The following LRRK2 variants were observed in gnomAD, a reference collection of about 807,000 sequenced individuals.
LRRK2 encodes leucine-rich repeat serine/threonine-protein kinase 2.
Under a neutral mutation model 302.6 loss-of-function variants are expected in LRRK2, and 203 were observed. The observed-to-expected ratio is 0.67, with a 90% confidence interval of 0.60 to 0.75. The LOEUF (loss-of-function observed/expected upper bound fraction) is 0.75, where lower values mean the gene tolerates loss of function less well. Among genes scored for constraint, LRRK2 ranks in the 30% least tolerant of loss-of-function variants. The probability of loss-of-function intolerance (pLI) is 0.00; values close to 1 mark genes in which losing one functional copy is unlikely to be tolerated. For missense variants in LRRK2, 2,830 were observed against 2,951.0 expected (o/e 0.96, Z 0.95); for synonymous variants, 1,066 against 1,031.9 (o/e 1.03, Z -0.63).
chr12:40,237,537 T>C (rs1592142503), intron 4 of LRRK2, among the ~76,000 whole-genome samples: 1 of 151,864 alleles, frequency 6.6e-6, no homozygotes, highest in Non-Finnish European at 1.5e-5. Context: ...GAAAGGAGGG[T>C]GGAAGAAGGA....
intron 7 of LRRK2, among the ~76,000 whole-genome samples, chr12:40,248,051 A>G (rs1942088912): frequency 6.6e-6 from 1 of 151,918 alleles, no homozygotes; most frequent in Non-Finnish European, 1.5e-5. Context: ...GTGACCCTTT[A>G]TTCATTATTT....
In LRRK2 at chr12:40,307,852, G is replaced by A. The variant is rs903080289; in HGVS notation, c.3960-615G>A. The stretch of plus-strand genomic sequence containing the variant: ...GCTGGAGTGCAGTGGCCTGATCTTG[G>A]CTCACTGCAACCTCTGCCTCTTGGC... On this transcript the variant is annotated intron_variant, in intron 28 of 50. Coordinates refer to ENST00000298910, the MANE Select transcript of LRRK2 (RefSeq NM_198578.4). Among the ~76,000 whole-genome samples the A allele has an allele frequency of 4.8e-5, 7 of 144,466 alleles. 1 individual carries two copies. Among genetic ancestry groups the A allele is most frequent in the African/African-American group, 1.8e-4 (7 of 39,230 alleles). 94.8% of individuals were successfully genotyped at this position (144,466 alleles called of 152,430 possible). A position where few individuals can be genotyped will look rare whatever the true frequency, so the allele number is the denominator to read the frequency against.
rs545878512 is a variant in LRRK2 at position 40,295,129 on chromosome 12, C to CT, written c.2878+224dup. ...CTTGAATATTATAGAACACATTAGTCTTTTTTTTTACAAGTTTTCTGAAAT... is the reference window on the plus strand; with the variant it reads ...CTTGAATATTATAGAACACATTAGTCTTTTTTTTTTACAAGTTTTCTGAAAT... On this transcript the variant is annotated intron_variant, in intron 22 of 50. Transcript: ENST00000298910. Among the ~76,000 whole-genome samples the CT allele has an allele frequency of 2.3e-3, 346 of 150,944 alleles. 2 individuals carry two copies. Among genetic ancestry groups the CT allele is most frequent in the South Asian group, 6.1e-3 (29 of 4,780 alleles).
chr12:40,235,599 T>C, intron 3 of LRRK2, 27 bp from the exon 4 acceptor site: 1 of 1,459,536 alleles, frequency 6.9e-7, no homozygotes, highest in Non-Finnish European at 9.6e-7. Context: ...ATTTCATTCT[T>C]ATCTTGATTT....
chr12:40,293,702 G>C (rs1944253414), intron 21 of LRRK2, 39 bp downstream of exon 21: 1 of 1,354,150 alleles, frequency 7.4e-7, no homozygotes, highest in African/African-American at 1.4e-5. Flanking sequence ...GTTGTGTTTT[G>C]CTGCTGACAT....
intron 10 of LRRK2, 98 bp from the exon 11 acceptor site, chr12:40,252,812 C>A: frequency 1.3e-6 from 1 of 787,312 alleles, no homozygotes; most frequent in Non-Finnish European, 2.2e-6. Flanking sequence ...TGTTTATATG[C>A]TCTTAATTGT....
chr12:40,258,163 G>A (rs1942605701), intron 12 of LRRK2, among the ~76,000 whole-genome samples: 1 of 152,106 alleles, frequency 6.6e-6, no homozygotes, highest in Non-Finnish European at 1.5e-5. Context: ...TTTTTACAAA[G>A]GGATTAGGAT....
At chr12:40,351,506 A>G (rs1262806138) in intron 43 of LRRK2, 33 bp from the exon 44 acceptor site, 1 of 1,596,636 alleles carries the variant, frequency 6.3e-7, no homozygotes, top group Admixed American at 1.7e-5. Context: ...TTAACTCGAT[A>G]AGTACTGTTT....
At chr12:40,362,057 G>T (rs929012315) in intron 47 of LRRK2, among the ~76,000 whole-genome samples, 7 of 152,000 alleles carry the variant, frequency 4.6e-5, no homozygotes, top group African/African-American at 1.7e-4. Flanking sequence ...TAAAAACATT[G>T]AGATTTATCA....
chr12:40,230,668 C>CT (rs3057613), intron 2 of LRRK2, among the ~76,000 whole-genome samples: 21,777 of 135,246 alleles, frequency 0.16, 1,863 homozygotes, highest in South Asian at 0.31. Flanking sequence ...TGCACTTTCT[C>CT]TTTTTTTTTT....
chr12:40,265,407 G>T (rs1219793368), intron 14 of LRRK2, among the ~76,000 whole-genome samples: 1 of 152,182 alleles, frequency 6.6e-6, no homozygotes, highest in Non-Finnish European at 1.5e-5. Context: ...TATTTTGCAA[G>T]TTAAGTGAGG....
At position 40,348,447 on chromosome 12, in the gene LRRK2, G is replaced by T; in HGVS notation, c.6319G>T (p.Val2107Phe). 6.2e-7 allele frequency: 1 copy of T among 1,612,732 alleles called. No homozygotes were observed. The highest frequency in any genetic ancestry group is 8.5e-7 in the Non-Finnish European group (1 of 1,179,050). Residue 2107 changes from valine (V) to phenylalanine (F), a missense_variant, in exon 43 of 51, where the codon GTT becomes TTT. This residue lies in a region of LRRK2 where 253 missense variants were observed against 346.7 expected (regional missense o/e 0.73). Transcript: ENST00000298910. Reference sequence around the variant, plus strand: ...ATATGGTTGTGCCCCATGGCCTATGGTTGAGAAATTAATTAAACAGTGTTT... The same window carrying T: ...ATATGGTTGTGCCCCATGGCCTATGTTTGAGAAATTAATTAAACAGTGTTT... ...KEYGCAPWPM[V>F]EKLIKQCLKE...
chr12:40,314,371 T>C (rs562928333), intron 32 of LRRK2, among the ~76,000 whole-genome samples, 198 bp downstream of exon 32: 2 of 152,130 alleles, frequency 1.3e-5, no homozygotes, highest in East Asian at 3.9e-4. Context: ...AGAAAACAAA[T>C]TTAGAAATCA....
intron 25 of LRRK2, 30 bp from the exon 26 acceptor site, chr12:40,302,759 A>T (rs201009320): frequency 7.1e-7 from 1 of 1,399,544 alleles, no homozygotes; most frequent in Non-Finnish European, 1.0e-6. Flanking sequence ...TAAAATGATT[A>T]AAATGTTTAT....
At position 40,310,220 on chromosome 12, in the gene LRRK2, G is replaced by A. The variant is rs189672191; in HGVS notation, c.4318-211G>A. Reference sequence around the variant, plus strand: ...CTAAAAGGGTGAAGAATTGGGTTAAGAAAGGCCAAAAATGACTTTTTAAAA... The same window carrying A: ...CTAAAAGGGTGAAGAATTGGGTTAAAAAAGGCCAAAAATGACTTTTTAAAA... On this transcript the variant is annotated intron_variant, in intron 30 of 50. Coordinates refer to ENST00000298910, the MANE Select transcript of LRRK2 (RefSeq NM_198578.4). 3.1e-3 allele frequency among the ~76,000 whole-genome samples: 471 copies of A among 152,178 alleles called. 5 individuals are homozygous for A. Among genetic ancestry groups the A allele is most frequent in the Non-Finnish European group, 2.5e-3 (173 of 67,978 alleles).
chr12:40,295,973 A>G (rs1457820540), intron 23 of LRRK2, among the ~76,000 whole-genome samples: 1 of 152,208 alleles, frequency 6.6e-6, no homozygotes, highest in Admixed American at 6.5e-5. Flanking sequence ...TAGATTAGGT[A>G]AACTAGAATT....
chr12:40,346,808 T>C lies in LRRK2; in HGVS notation c.6165T>C (p.Asp2055=). 1.2e-6 allele frequency: 2 copies of C among 1,613,958 alleles called. No homozygotes were observed. Among genetic ancestry groups the C allele is most frequent in the Non-Finnish European group, 1.7e-6 (2 of 1,179,892 alleles). ...RGNVIYNQQA[D]VYSFGLLLYD... The stretch of plus-strand genomic sequence containing the variant: ...ATGTCATTTATAACCAACAGGCTGA[T>C]GTTTATTCATTTGGTTTACTACTCT... Residue 2055 remains aspartate, a synonymous_variant, in exon 42 of 51, where the codon GAT becomes GAC. Coordinates refer to ENST00000298910, the MANE Select transcript of LRRK2 (RefSeq NM_198578.4).
chr12:40,320,914 C>T, intron 34 of LRRK2, 120 bp from the exon 35 acceptor site: 1 of 1,259,646 alleles, frequency 7.9e-7, no homozygotes, highest in East Asian at 2.4e-5. Context: ...AACAATGTTA[C>T]AAAAAGATTA....
At chr12:40,347,023 A>G (rs970611297) in intron 42 of LRRK2, 100 bp downstream of exon 42, 16 of 906,400 alleles carry the variant, frequency 1.8e-5, no homozygotes, top group Admixed American at 1.1e-4. Flanking sequence ...TAAACAGATG[A>G]TCATTTTTTT....
Sources: gnomAD v4.1 joint callset for allele counts (sites outside exome capture counted in the v4.1 genomes callset) on GRCh38, gnomAD v4.1.1 for gene constraint, gnomAD v4.1.1 regional missense constraint, MANE v1.5 for transcripts, NCBI Gene and HGNC (gene_info 2026-07-23, HGNC 2026-07-21) for gene names.